Variants in ZFP1 observed in about 807,000 individuals in gnomAD.
ZFP1 encodes ZFP1 zinc finger protein, also known as zinc finger protein 1 homolog.
Under a neutral mutation model 38.5 loss-of-function variants are expected in ZFP1, and 32 were observed. That is an observed-to-expected ratio of 0.83 (90% confidence interval 0.63 to 1.12). ZFP1 has a LOEUF of 1.12. ZFP1 is among the 50% of genes most tolerant of loss of function. The pLI, the probability that ZFP1 is intolerant of heterozygous loss-of-function variation, is 0.00. For synonymous variants in ZFP1, 245 were observed against 168.8 expected, an observed-to-expected ratio of 1.45 and a Z score of -3.50; for missense variants, 616 against 480.8, an observed-to-expected ratio of 1.28 and a Z score of -2.63.
At chr16:75,168,694 C>A (rs1452524407) in intron 3 of ZFP1, among the ~76,000 whole-genome samples, 2 of 152,120 alleles carry the variant, frequency 1.3e-5, no homozygotes, top group African/African-American at 4.8e-5. Context: ...TCACTGCAAA[C>A]CTATGAGAAG....
the ZFP1 span, among the ~76,000 whole-genome samples, chr16:75,131,270 C>T: frequency 6.6e-6 from 1 of 152,062 alleles, no homozygotes; most frequent in African/African-American, 2.4e-5. Flanking sequence ...TGGGGTTGGG[C>T]AGTGGGGCAA....
At chr16:75,128,445 C>G in the ZFP1 span, among the ~76,000 whole-genome samples, 1 of 152,182 alleles carries the variant, frequency 6.6e-6, no homozygotes, top group African/African-American at 2.4e-5. Context: ...GCAAACCAGT[C>G]CTACCATGAT....
chr16:75,148,313 G>C (rs1044425615), upstream of ZFP1, among the ~76,000 whole-genome samples: 2 of 152,212 alleles, frequency 1.3e-5, no homozygotes, highest in African/African-American at 4.8e-5. Flanking sequence ...TGGGAAAAAA[G>C]AAAACAGTGC....
chr16:75,140,787 G>A, the ZFP1 span, among the ~76,000 whole-genome samples: 14 of 152,232 alleles, frequency 9.2e-5, no homozygotes, highest in South Asian at 4.1e-4. Context: ...GTGAAACCCC[G>A]TCTCTACTAA....
the ZFP1 span, among the ~76,000 whole-genome samples, chr16:75,126,969 T>A: frequency 2.6e-5 from 4 of 152,222 alleles, no homozygotes; most frequent in Non-Finnish European, 4.4e-5. Context: ...ATAAATATGT[T>A]ATTGGTATGT....
intron 2 of ZFP1, among the ~76,000 whole-genome samples, chr16:75,155,213 C>A (rs2037412051): frequency 6.6e-6 from 1 of 152,258 alleles, no homozygotes; most frequent in African/African-American, 2.4e-5. Flanking sequence ...TTACTGCAGC[C>A]TCGACTTGCT....
the ZFP1 span, among the ~76,000 whole-genome samples, chr16:75,125,808 C>T: frequency 4.0e-5 from 6 of 151,752 alleles, no homozygotes; most frequent in African/African-American, 7.3e-5. Flanking sequence ...TTTGGCAGGC[C>T]GAGGAGGGCA....
chr16:75,164,493 TTTTGCTGG>T (rs936707402), intron 2 of ZFP1, among the ~76,000 whole-genome samples: 28 of 152,316 alleles, frequency 1.8e-4, no homozygotes, highest in African/African-American at 6.5e-4. Context: ...TTTTAATATG[TTTTGCTGG>T]TTTGCTGTTG....
At chr16:75,141,909 G>A in the ZFP1 span, among the ~76,000 whole-genome samples, 2 of 151,360 alleles carry the variant, frequency 1.3e-5, no homozygotes, top group Non-Finnish European at 1.5e-5. Context: ...AAATGAGCTG[G>A]GCATGATGAT....
intron 1 of ZFP1, among the ~76,000 whole-genome samples, chr16:75,150,368 C>G (rs902568516): frequency 2.6e-5 from 3 of 114,238 alleles, no homozygotes; most frequent in African/African-American, 1.0e-4. Context: ...GCCACTACAC[C>G]TGGCTAATTT....
the ZFP1 span, among the ~76,000 whole-genome samples, chr16:75,141,391 G>A: frequency 6.6e-6 from 1 of 151,548 alleles, no homozygotes; most frequent in Non-Finnish European, 1.5e-5. Flanking sequence ...TTTTTAAGCA[G>A]AGACGGGATT....
the ZFP1 span, among the ~76,000 whole-genome samples, chr16:75,129,752 A>G: frequency 4.6e-5 from 7 of 152,198 alleles, no homozygotes; most frequent in Non-Finnish European, 8.8e-5. Context: ...AGGCTGTGTC[A>G]TGGGCATGTG....
intron 3 of ZFP1, among the ~76,000 whole-genome samples, chr16:75,167,279 A>G (rs1204736945): frequency 6.6e-6 from 1 of 152,218 alleles, no homozygotes. Context: ...AGTACCTTTG[A>G]AATACTTTTC....
the ZFP1 span, chr16:75,119,468 G>A: frequency 2.0e-5 from 3 of 152,126 alleles, no homozygotes; most frequent in South Asian, 6.2e-4. Flanking sequence ...CCATGTTGAT[G>A]GAAGGCAGGT....
rs775838168 is a variant in ZFP1 at position 75,169,384 on chromosome 16, C to A, written c.274C>A (p.Leu92Met). The change falls in exon 4 of 4, where the codon CTG becomes ATG. Residue 92 changes from leucine (L) to methionine (M), a missense_variant. Transcript: ENST00000570010. ...RGDLFGKALN[L>M]NTDFVSLRQV... ...CGATCTCTTTGGAAAAGCACTTAAT[C>A]TGAACACAGACTTTGTTTCTTTAAG... 28 of 1,614,042 alleles carry A rather than the reference C, an allele frequency of 1.7e-5. No homozygotes were observed. In the South Asian group the frequency reaches 2.7e-4, roughly 16 times the overall value.
At chr16:75,139,385 A>AC in the ZFP1 span, among the ~76,000 whole-genome samples, 763 of 146,808 alleles carry the variant, frequency 5.2e-3, 15 homozygotes, top group African/African-American at 0.019. Context: ...AAAAAAAAAA[A>AC]AAAAAAAAAA....
intron 2 of ZFP1, among the ~76,000 whole-genome samples, chr16:75,154,727 G>C (rs1035309475): frequency 1.3e-5 from 2 of 152,068 alleles, no homozygotes; most frequent in East Asian, 3.9e-4. Flanking sequence ...GAGTTTCTAC[G>C]GCCCTGCATC....
At chr16:75,149,686 G>A (rs566272938) in intron 1 of ZFP1, among the ~76,000 whole-genome samples, 2 of 151,846 alleles carry the variant, frequency 1.3e-5, no homozygotes, top group South Asian at 4.2e-4. Context: ...AGCCTCCCGA[G>A]TAGCTGGGAT....
At chr16:75,132,701 G>A in the ZFP1 span, 1 of 132,136 alleles carries the variant, frequency 7.6e-6, no homozygotes, top group Non-Finnish European at 1.5e-5. Context: ...CTGTTGCCCA[G>A]GCTGGAGTGC....
Sources: allele counts gnomAD v4.1 joint callset (sites outside exome capture counted in the v4.1 genomes callset), GRCh38; gene constraint gnomAD v4.1.1; transcripts MANE v1.5; gene names NCBI Gene and HGNC (gene_info 2026-07-23, HGNC 2026-07-21).